The following CACNA1F variants were observed in gnomAD, a reference collection of about 807,000 sequenced individuals.
The protein encoded by CACNA1F is voltage-dependent L-type calcium channel subunit alpha-1F.
A neutral mutation model predicts 143.8 loss-of-function variants in CACNA1F; 59 were observed. That is an observed-to-expected ratio of 0.41 (90% CI 0.33 to 0.51). The LOEUF (loss-of-function observed/expected upper bound fraction) is 0.51. Among genes scored for constraint, CACNA1F ranks in the 20% least tolerant of loss-of-function variants. The probability of loss-of-function intolerance (pLI) is 0.22; values close to 1 mark genes in which losing one functional copy is unlikely to be tolerated. For missense variants in CACNA1F, 1,411 were observed against 1,647.5 expected, an observed-to-expected ratio of 0.86 and a Z score of 2.48; for synonymous variants, 643 against 649.1, an observed-to-expected ratio of 0.99 and a Z score of 0.14.
intron 30 of CACNA1F, 55 bp downstream of exon 30, chrX:49,214,104 C>G (rs1415163952): frequency 2.4e-6 from 2 of 834,361 alleles, no homozygotes; most frequent in African/African-American, 4.0e-5. Flanking sequence ...CTGCAATGAG[C>G]TCCACTCCCA....
chrX:49,218,974 G>A, intron 21 of CACNA1F, 33 bp from the exon 22 acceptor site: 6 of 1,121,359 alleles, frequency 5.4e-6, no homozygotes, highest in Non-Finnish European at 6.1e-6. Context: ...GAGCCACTGA[G>A]TCACGGCTGA....
Position 49,226,240 on chromosome X carries a change from G to T in CACNA1F, c.1467C>A (p.Asn489Lys). ...GALASCTRCL[N>K]KIMKTRVCRR... ...ACCAGACTCTGGTTTTCATGATCTT[G>T]TTTCTGAAAAAGAAGGGGGATGGGA... Residue 489 changes from asparagine to lysine, a missense_variant, in exon 12 of 48, where the codon AAC becomes AAA. By Grantham distance (94) the Asn-to-Lys change is moderately conservative. Transcript: ENST00000323022. The T allele has an allele frequency of 8.3e-7, 1 of 1,207,094 alleles. No homozygotes were observed. Among genetic ancestry groups the T allele is most frequent in the Non-Finnish European group, 1.1e-6 (1 of 891,180 alleles).
At chrX:49,210,500 A>T (rs2065646324) in intron 38 of CACNA1F, 90 bp downstream of exon 38, 1 of 995,603 alleles carries the variant, frequency 1.0e-6, no homozygotes. Context: ...GCGATCAAAC[A>T]CCCCTCCCCA....
rs782763965 is a variant in CACNA1F at position 49,224,254 on chromosome X, C to T, written c.1877+507G>A. Among the ~76,000 whole-genome samples the T allele has an allele frequency of 2.3e-4, 25 of 110,170 alleles. No individual in the cohort carries two copies. In the Admixed American group the frequency reaches 2.3e-3, roughly 10 times the overall value. The stretch of plus-strand genomic sequence containing the variant: ...TAGGGTGATGGTTAAGGGTTAGGGA[C>T]GTGGGAGTTCTCTTTGGGGATTGAG... On this transcript the variant is annotated intron_variant, in intron 14 of 47. Coordinates refer to ENST00000323022, the MANE Select transcript of CACNA1F (RefSeq NM_001256789.3).
chrX:49,232,108 G>A (rs1317113223), intron 1 of CACNA1F, among the ~76,000 whole-genome samples, 181 bp from the exon 2 acceptor site: 2 of 111,701 alleles, frequency 1.8e-5, no homozygotes, highest in Admixed American at 9.5e-5. Context: ...TAGAGTGAGA[G>A]TTTATAGGGG....
At chrX:49,210,154 C>T (rs1278401072) in intron 39 of CACNA1F, 112 bp from the exon 40 acceptor site, 5 of 673,629 alleles carry the variant, frequency 7.4e-6, no homozygotes, top group African/African-American at 2.1e-5. Flanking sequence ...TGCACACCGC[C>T]CCCATTGGAC....
Position 49,205,076 on chromosome X carries a change from T to G in CACNA1F, c.*61A>C. On this transcript the variant is annotated 3_prime_UTR_variant, in exon 48 of 48. Transcript: ENST00000323022. ...AAAATCCAGGGATGTGGTCCATGCC[T>G]GCCTCCTGCTGGGGAGGGGAGGGCA... 1.1e-6 allele frequency: 1 copy of G among 885,171 alleles called. No individual in the cohort carries two copies. The highest frequency in any genetic ancestry group is 1.6e-6 in the Non-Finnish European group (1 of 608,883). The allele number at this position is 885,171 out of a possible 1,213,427, so 72.9% of individuals were successfully genotyped here.
In CACNA1F at chrX:49,226,692, C is replaced by T. The variant is rs371314274; in HGVS notation, c.1287G>A (p.Leu429=). Residue 429 remains leucine (L), a synonymous_variant, in exon 10 of 48, where the codon CTG becomes CTA. Transcript: ENST00000323022. ...PSADDNLGPQ[L]AELTNRRRGR... ...CACGCCTCCTATTGGTCAGCTCGGC[C>T]AGCTGTGGCCCTGCAGGGAGAGAAA... 4.7e-5 allele frequency: 55 copies of T among 1,175,995 alleles called. No individual in the cohort carries two copies. Among genetic ancestry groups the T allele is most frequent in the Non-Finnish European group, 5.7e-5 (50 of 877,451 alleles).
intron 30 of CACNA1F, 78 bp from the exon 31 acceptor site, chrX:49,213,980 C>A: frequency 1.3e-6 from 1 of 744,265 alleles, no homozygotes; most frequent in East Asian, 3.3e-5. Flanking sequence ...TAGTAGGGGG[C>A]GCCGGAGGGG....
At position 49,215,391 on chromosome X, in the gene CACNA1F, C is replaced by T. The variant is rs34856175; in HGVS notation, c.3389G>A (p.Arg1130His). ...TTGGTACTCCTGCTCGCCCTGGGCACGGAAAGTGATGATGACGAAGCCCAC... is the reference window on the plus strand; with the variant it reads ...TTGGTACTCCTGCTCGCCCTGGGCATGGAAAGTGATGATGACGAAGCCCAC... ...IFVGFVIITFRAQGEQEYQNC... is the reference protein window; with the variant it reads ...IFVGFVIITFHAQGEQEYQNC... Residue 1130 changes from arginine (R) to histidine (H), a missense_variant, in exon 28 of 48, where the codon CGT becomes CAT. By Grantham distance (29) the Arg-to-His change is conservative. Coordinates refer to ENST00000323022, the MANE Select transcript of CACNA1F (RefSeq NM_001256789.3). 7.9e-5 allele frequency: 96 copies of T among 1,208,036 alleles called. No individual in the cohort carries two copies. The African/African-American group carries it at 1.3e-3, about 16-fold the overall frequency.
At chrX:49,211,585 A>C in intron 35 of CACNA1F, 104 bp from the exon 36 acceptor site, 10 of 664,777 alleles carry the variant, frequency 1.5e-5, no homozygotes, top group East Asian at 3.3e-5. Flanking sequence ...CCTACTTCTC[A>C]CCAGGGGCTA....
chrX:49,213,056 T>C, intron 31 of CACNA1F, 62 bp from the exon 32 acceptor site: 1 of 965,035 alleles, frequency 1.0e-6, no homozygotes, highest in Non-Finnish European at 1.5e-6. Context: ...TAGGCCCAAA[T>C]GAACAAGGTG....
chrX:49,231,917 TG>T lies in CACNA1F; in HGVS notation c.35del (p.Pro12GlnfsTer34), dbSNP rs782536124. 1 of 1,176,617 alleles carries T rather than the reference TG, an allele frequency of 8.5e-7. No individual in the cohort carries two copies. Among genetic ancestry groups the T allele is most frequent in the South Asian group, 1.9e-5 (1 of 53,594 alleles). On this transcript the variant is annotated frameshift_variant, in exon 2 of 48. Transcript: ENST00000323022. LOFTEE classifies it high-confidence loss of function. ...CTGCCCCATTGGCTGGACTGGGCTC[TG>T]GGGTGGTGTCTATATGGAGAAACTG... is the stretch of plus-strand genomic sequence containing the variant. ...SESEGGKDTTPEPSPANGAGP... is the reference protein window; with the variant it reads ...SESEGGKDTTXEPSPANGAGP...
chrX:49,214,020 G>T, intron 30 of CACNA1F, 118 bp from the exon 31 acceptor site: 1 of 630,106 alleles, frequency 1.6e-6, no homozygotes, highest in Non-Finnish European at 2.6e-6. Context: ...CACACGATGG[G>T]CCTGCACCTG....
At chrX:49,214,060 C>T in intron 30 of CACNA1F, 99 bp downstream of exon 30, 1 of 668,515 alleles carries the variant, frequency 1.5e-6, no homozygotes, top group East Asian at 3.2e-5. Context: ...ACTCACACTC[C>T]CTGGCTGCTG....
chrX:49,217,092 G>C (rs2065724956), intron 26 of CACNA1F, among the ~76,000 whole-genome samples: 1 of 111,274 alleles, frequency 9.0e-6, no homozygotes. Flanking sequence ...CCGAGTAGCT[G>C]GGATTACAGG....
At chrX:49,217,189 C>T (rs1338117386) in intron 26 of CACNA1F, among the ~76,000 whole-genome samples, 8 of 112,676 alleles carry the variant, frequency 7.1e-5, no homozygotes, top group Non-Finnish European at 1.3e-4. Flanking sequence ...GAACTCCCAA[C>T]CTCAGGTGAT....
chrX:49,206,933 C>T, intron 44 of CACNA1F, 72 bp downstream of exon 44: 3 of 1,128,816 alleles, frequency 2.7e-6, no homozygotes, highest in Middle Eastern at 5.0e-4. Flanking sequence ...ACAAACAGTC[C>T]TCCCCGACCC....
Position 49,214,184 on chromosome X carries a change from A to G in CACNA1F, c.3683T>C (p.Leu1228Pro). Residue 1228 changes from leucine to proline, a missense_variant, in exon 30 of 48, where the codon CTC becomes CCC. Leu to Pro is a moderately conservative substitution (Grantham distance 98). This residue lies in a region of CACNA1F where 950 missense variants were observed against 1,128.1 expected (regional missense o/e 0.84). Coordinates refer to ENST00000323022, the MANE Select transcript of CACNA1F (RefSeq NM_001256789.3). ...FTGLFTIEMV[L>P]KIIAFKPKHY... ...CTTGGGCTTGAAGGCGATGATTTTGAGCACCATCTCAATAGTGAAGAGGCC... is the reference window on the plus strand; with the variant it reads ...CTTGGGCTTGAAGGCGATGATTTTGGGCACCATCTCAATAGTGAAGAGGCC... 8.3e-7 allele frequency: 1 copy of G among 1,201,621 alleles called. No individual in the cohort carries two copies. Among genetic ancestry groups the G allele is most frequent in the Non-Finnish European group, 1.1e-6 (1 of 885,970 alleles).
Sources: allele counts gnomAD v4.1 joint callset (sites outside exome capture counted in the v4.1 genomes callset), GRCh38; gene constraint gnomAD v4.1.1; regional missense constraint gnomAD v4.1.1; transcripts MANE v1.5; gene names NCBI Gene and HGNC (gene_info 2026-07-23, HGNC 2026-07-21).